Variants in CACNA1D observed in about 807,000 individuals in gnomAD.
CACNA1D encodes calcium voltage-gated channel subunit alpha1 D.
CACNA1D carries 55 observed loss-of-function variants against 257.1 expected under a neutral mutation model. The ratio of observed to expected loss-of-function variants is 0.21; its 90% CI spans 0.17 to 0.27. The LOEUF (loss-of-function observed/expected upper bound fraction) is 0.27. CACNA1D is among the 10% of genes least tolerant of loss of function. CACNA1D has a pLI of 1.00. For synonymous variants in CACNA1D, 980 were observed against 1,014.9 expected, an observed-to-expected ratio of 0.97 and a Z score of 0.65; for missense variants, 1,876 against 2,784.0, an observed-to-expected ratio of 0.67 and a Z score of 7.34.
At chr3:53,619,625 A>G (rs2093674591) in intron 3 of CACNA1D, among the ~76,000 whole-genome samples, 1 of 152,188 alleles carries the variant, frequency 6.6e-6, no homozygotes, top group Non-Finnish European at 1.5e-5. Context: ...TCCTTTCCCT[A>G]ACATGTCTGA....
chr3:53,554,511 C>T (rs2092602159), intron 3 of CACNA1D, among the ~76,000 whole-genome samples: 1 of 152,212 alleles, frequency 6.6e-6, no homozygotes, highest in Non-Finnish European at 1.5e-5. Flanking sequence ...CTTCTTCGTG[C>T]CACCACCTTT....
At chr3:53,775,309 G>A (rs2095390813) in intron 34 of CACNA1D, among the ~76,000 whole-genome samples, 1 of 152,192 alleles carries the variant, frequency 6.6e-6, no homozygotes, top group Non-Finnish European at 1.5e-5. Context: ...AGGTGCAGTG[G>A]CTCACGCCTG....
intron 3 of CACNA1D, among the ~76,000 whole-genome samples, chr3:53,597,940 A>G (rs895845357): frequency 1.3e-5 from 2 of 152,216 alleles, no homozygotes; most frequent in Admixed American, 6.5e-5. Flanking sequence ...AAAAACTGCA[A>G]TTACTTTTGC....
Position 53,666,336 on chromosome 3 carries a change from C to T in CACNA1D, c.920-3C>T. The stretch of plus-strand genomic sequence containing the variant: ...CGGTACAGCCTGTTTGCTCTGTTTG[C>T]AGATATCGTAGCTGAAGAGGACCCA... On this transcript the variant is annotated splice_polypyrimidine_tract_variant and splice_region_variant and intron_variant, in intron 6 of 47. Transcript: ENST00000350061. 6.2e-7 allele frequency: 1 copy of T among 1,613,194 alleles called. No homozygotes were observed.
intron 29 of CACNA1D, among the ~76,000 whole-genome samples, chr3:53,754,998 T>C (rs1049294381): frequency 1.3e-5 from 2 of 152,228 alleles, no homozygotes; most frequent in African/African-American, 4.8e-5. Context: ...ACCTAATGCA[T>C]GGCCAGATGT....
chr3:53,726,527 C>T (rs1179701116), intron 14 of CACNA1D, among the ~76,000 whole-genome samples: 1 of 152,126 alleles, frequency 6.6e-6, no homozygotes, highest in Non-Finnish European at 1.5e-5. Flanking sequence ...ATCCCAGCTA[C>T]TTGAAAGGCT....
intron 8 of CACNA1D, among the ~76,000 whole-genome samples, chr3:53,677,882 C>G (rs950813571): frequency 2.0e-5 from 3 of 152,180 alleles, no homozygotes; most frequent in Non-Finnish European, 2.9e-5. Flanking sequence ...CCTCTTTGAG[C>G]CTTACTTTCC....
At chr3:53,741,392 C>T (rs2095116649) in intron 21 of CACNA1D, among the ~76,000 whole-genome samples, 1 of 152,134 alleles carries the variant, frequency 6.6e-6, no homozygotes, top group Non-Finnish European at 1.5e-5. Flanking sequence ...AACTTGGGCT[C>T]TTTACAAAAT....
intron 16 of CACNA1D, 103 bp downstream of exon 16, chr3:53,730,659 C>A: frequency 1.2e-6 from 1 of 864,646 alleles, no homozygotes; most frequent in Non-Finnish European, 1.9e-6. Flanking sequence ...CAGCTGCAGC[C>A]CCCGGGTTGC....
intron 29 of CACNA1D, among the ~76,000 whole-genome samples, chr3:53,760,270 G>A (rs2095293222): frequency 1.3e-5 from 2 of 152,186 alleles, no homozygotes; most frequent in African/African-American, 4.8e-5. Flanking sequence ...CCCTACTCCA[G>A]CTGTTAGGAC....
chr3:53,679,490 A>G (rs1195767851), intron 8 of CACNA1D: 1 of 152,078 alleles, frequency 6.6e-6, no homozygotes, highest in Non-Finnish European at 1.5e-5. Context: ...ATTTGTCACC[A>G]TATTCAGAAT....
chr3:53,587,443 C>CG (rs2093238068), intron 3 of CACNA1D, among the ~76,000 whole-genome samples: 3 of 151,984 alleles, frequency 2.0e-5, no homozygotes. Context: ...CTGGGACCTG[C>CG]GGGGGCCTGT....
At chr3:53,685,116 T>C (rs1386405928) in intron 8 of CACNA1D, among the ~76,000 whole-genome samples, 2 of 152,146 alleles carry the variant, frequency 1.3e-5, no homozygotes, top group Admixed American at 6.6e-5. Context: ...AATAAAAATT[T>C]AAGATGCTAT....
chr3:53,568,986 T>A (rs1424480989), intron 3 of CACNA1D, among the ~76,000 whole-genome samples: 1 of 152,160 alleles, frequency 6.6e-6, no homozygotes, highest in African/African-American at 2.4e-5. Context: ...TGATTCCACA[T>A]CTAGCATCCT....
chr3:53,805,203 C>G, intron 45 of CACNA1D, 57 bp downstream of exon 45: 2 of 1,546,050 alleles, frequency 1.3e-6, no homozygotes, highest in Non-Finnish European at 1.8e-6. Flanking sequence ...GTACCTCTCC[C>G]CCAACCCCCG....
In CACNA1D at chr3:53,812,411, A is replaced by C. The variant is rs912525385; in HGVS notation, c.*1005A>C. On this transcript the variant is annotated 3_prime_UTR_variant, in exon 48 of 48. Transcript: ENST00000350061. ...AGTTTGAAAGAACTTGACACTACAG[A>C]AATTTTTCTAAAATATTTTGAGTCA... 6.6e-6 allele frequency: 1 copy of C among 152,240 alleles called. No individual in the cohort carries two copies. Among genetic ancestry groups the C allele is most frequent in the Non-Finnish European group, 1.5e-5 (1 of 68,038 alleles). 9.4% of individuals were successfully genotyped at this position (152,240 alleles called of 1,614,324 possible). A position where few individuals can be genotyped will look rare whatever the true frequency, so the allele number is the denominator to read the frequency against.
At chr3:53,626,528 G>C (rs771271747) in intron 3 of CACNA1D, among the ~76,000 whole-genome samples, 1 of 152,106 alleles carries the variant, frequency 6.6e-6, no homozygotes, top group Non-Finnish European at 1.5e-5. Context: ...GAGGAGGGAA[G>C]ACTTCTAACC....
At position 53,776,914 on chromosome 3, in the gene CACNA1D, C is replaced by G. The variant is rs775387414; in HGVS notation, c.4545C>G (p.Pro1515=). The change falls in exon 37 of 48, where the codon CCC becomes CCG. Residue 1515 remains proline (P), a synonymous_variant. Transcript: ENST00000350061. ...VVTLLRRIQP[P]LGFGKLCPHR... Reference sequence around the variant, plus strand: ...CTCTGCTTCGACGCATCCAGCCTCCCCTGGGGTTTGGGAAGTTATGTCCAC... The same window carrying G: ...CTCTGCTTCGACGCATCCAGCCTCCGCTGGGGTTTGGGAAGTTATGTCCAC... 1 of 1,614,136 alleles carries G rather than the reference C, an allele frequency of 6.2e-7. No individual in the cohort carries two copies. Among genetic ancestry groups the G allele is most frequent in the Admixed American group, 1.7e-5 (1 of 60,028 alleles).
chr3:53,541,170 C>A (rs1464416867), intron 3 of CACNA1D, among the ~76,000 whole-genome samples: 2 of 152,142 alleles, frequency 1.3e-5, no homozygotes, highest in African/African-American at 4.8e-5. Context: ...AACATGGGAA[C>A]TTCTGGGTCA....
Sources: gnomAD v4.1 joint callset for allele counts (sites outside exome capture counted in the v4.1 genomes callset) on GRCh38, gnomAD v4.1.1 for gene constraint, MANE v1.5 for transcripts, NCBI Gene and HGNC (gene_info 2026-07-23, HGNC 2026-07-21) for gene names.